The following ARHGEF10L variants were observed in gnomAD, a reference collection of about 807,000 sequenced individuals.
The protein encoded by ARHGEF10L is Rho guanine nucleotide exchange factor 10 like, also known as rho guanine nucleotide exchange factor 10-like protein.
In ARHGEF10L, 69 loss-of-function variants were observed where a neutral mutation model predicts 141.2. The observed-to-expected ratio is 0.49, with a 90% confidence interval of 0.40 to 0.60. The LOEUF (loss-of-function observed/expected upper bound fraction) is 0.60, where lower values mean the gene tolerates loss of function less well. Among genes scored for constraint, ARHGEF10L ranks in the 20% least tolerant of loss-of-function variants. The pLI is 0.00. For missense variants in ARHGEF10L, 1,482 were observed against 1,734.3 expected (o/e 0.85, Z 2.58); for synonymous variants, 711 against 718.5 (o/e 0.99, Z 0.17).
chr1:17,598,234 T>G (rs1233066551), intron 4 of ARHGEF10L, among the ~76,000 whole-genome samples: 2 of 152,054 alleles, frequency 1.3e-5, no homozygotes, highest in African/African-American at 4.8e-5. Context: ...CCTGAGTAGC[T>G]GGGATTACAG....
the ARHGEF10L span, among the ~76,000 whole-genome samples, chr1:17,534,481 G>T: frequency 1.3e-5 from 2 of 149,060 alleles, no homozygotes; most frequent in Non-Finnish European, 3.0e-5. Context: ...GGCTGGTCTC[G>T]AACTCCTGAC....
intron 2 of ARHGEF10L, among the ~76,000 whole-genome samples, chr1:17,586,055 C>A (rs934062311): frequency 2.0e-5 from 3 of 152,180 alleles, no homozygotes; most frequent in Non-Finnish European, 2.9e-5. Flanking sequence ...GCTGGAGGGT[C>A]CCCTGGGCCT....
At chr1:17,634,801 C>A (rs1267276939) in intron 17 of ARHGEF10L, 34 bp from the exon 18 acceptor site, 4 of 1,576,260 alleles carry the variant, frequency 2.5e-6, no homozygotes, top group South Asian at 1.1e-5. Flanking sequence ...GTGGCTGCAG[C>A]CTCTCCAGGG....
At chr1:17,671,240 G>A (rs546722148) in intron 26 of ARHGEF10L, among the ~76,000 whole-genome samples, 9 of 152,092 alleles carry the variant, frequency 5.9e-5, no homozygotes, top group Middle Eastern at 3.4e-3. Flanking sequence ...GGTGAGATTC[G>A]GGGGGTTAGG....
At chr1:17,532,817 A>G in the ARHGEF10L span, among the ~76,000 whole-genome samples, 8 of 148,478 alleles carry the variant, frequency 5.4e-5, no homozygotes, top group African/African-American at 2.0e-4. Flanking sequence ...CTCGTCTTGA[A>G]CTCCTGACCT....
the ARHGEF10L span, among the ~76,000 whole-genome samples, chr1:17,517,412 A>G: frequency 4.0e-5 from 6 of 151,830 alleles, no homozygotes; most frequent in East Asian, 9.7e-4. Flanking sequence ...GCTCACTGCA[A>G]CTTCCAGGTT....
At chr1:17,521,686 C>A in the ARHGEF10L span, among the ~76,000 whole-genome samples, 2 of 152,214 alleles carry the variant, frequency 1.3e-5, no homozygotes, top group African/African-American at 4.8e-5. Context: ...AAGTAACTTA[C>A]TGAAGATTTC....
At chr1:17,681,690 C>T (rs1302063738) in intron 26 of ARHGEF10L, among the ~76,000 whole-genome samples, 1 of 152,154 alleles carries the variant, frequency 6.6e-6, no homozygotes, top group Non-Finnish European at 1.5e-5. Flanking sequence ...AGCAGCTGGC[C>T]CCGTCCTGAT....
intron 2 of ARHGEF10L, among the ~76,000 whole-genome samples, chr1:17,583,578 G>A (rs1250199894): frequency 6.6e-6 from 1 of 152,056 alleles, no homozygotes; most frequent in Non-Finnish European, 1.5e-5. Context: ...AACTAGGAGG[G>A]GGTCAAATAA....
At chr1:17,564,221 T>C (rs2077657362) in intron 1 of ARHGEF10L, among the ~76,000 whole-genome samples, 1 of 152,032 alleles carries the variant, frequency 6.6e-6, no homozygotes, top group African/African-American at 2.4e-5. Context: ...ATGGCCTGGG[T>C]GAATCCCAGG....
At position 17,602,128 on chromosome 1, in the gene ARHGEF10L, G is replaced by T; in HGVS notation, c.259G>T (p.Val87Leu). ...TGCAGTGCCATCTCTTGCCCGCAGG[G>T]TGCCAGCCTGGGTGAGCAATGGGGA... ...DPAAAPPGTG[V>L]PAWVSNGDAA... is the part of the protein sequence containing the mutation. Residue 87 changes from valine (V) to leucine (L), a missense_variant and splice_region_variant, in exon 5 of 29, where the codon GTG (valine) becomes TTG (leucine). This residue lies in a region of ARHGEF10L where 232 missense variants were observed against 225.9 expected (regional missense o/e 1.03). Coordinates refer to ENST00000361221, the MANE Select transcript of ARHGEF10L (RefSeq NM_018125.4). 6.4e-7 allele frequency: 1 copy of T among 1,565,268 alleles called. No homozygotes were observed. The highest frequency in any genetic ancestry group is 1.2e-5 in the South Asian group (1 of 84,724).
chr1:17,595,041 T>TA (rs1433386866), intron 4 of ARHGEF10L, among the ~76,000 whole-genome samples: 1 of 151,798 alleles, frequency 6.6e-6, no homozygotes, highest in African/African-American at 2.4e-5. Context: ...TCTTCCTTTT[T>TA]AAAAAAAATA....
intron 8 of ARHGEF10L, among the ~76,000 whole-genome samples, 196 bp downstream of exon 8, chr1:17,613,370 C>G (rs1372972751): frequency 6.6e-6 from 1 of 152,220 alleles, no homozygotes; most frequent in Non-Finnish European, 1.5e-5. Flanking sequence ...CCACATGTTC[C>G]CTTCCATGTT....
chr1:17,554,943 T>C, intron 1 of ARHGEF10L, among the ~76,000 whole-genome samples: 1 of 152,176 alleles, frequency 6.6e-6, no homozygotes, highest in East Asian at 1.9e-4. Context: ...CTGTTTGCCT[T>C]CTCTTTCTCC....
chr1:17,564,812 G>A (rs138007016), intron 1 of ARHGEF10L, among the ~76,000 whole-genome samples: 4 of 152,294 alleles, frequency 2.6e-5, no homozygotes, highest in African/African-American at 9.6e-5. Flanking sequence ...ACACGTGTTC[G>A]GTGTCTGATG....
chr1:17,672,102 G>A lies in ARHGEF10L; in HGVS notation c.3009+7507G>A, dbSNP rs183746344. ...TACCTCTGCACTGGCCTCTCATACC[G>A]GCTCTCATGCTTTTTGTCCCTAAGC... On this transcript the variant is annotated intron_variant, in intron 26 of 28. Transcript: ENST00000361221. 1.7e-4 allele frequency among the ~76,000 whole-genome samples: 26 copies of A among 152,168 alleles called. No individual in the cohort carries two copies. In the East Asian group the frequency reaches 3.3e-3, roughly 19 times the overall value.
At chr1:17,646,347 G>A (rs1311069070) in intron 21 of ARHGEF10L, among the ~76,000 whole-genome samples, 1 of 152,204 alleles carries the variant, frequency 6.6e-6, no homozygotes, top group East Asian at 1.9e-4. Context: ...TGATGAAAGC[G>A]AGTCAGATTA....
chr1:17,620,504 A>G (rs2060049761), intron 10 of ARHGEF10L, among the ~76,000 whole-genome samples: 2 of 152,198 alleles, frequency 1.3e-5, no homozygotes, highest in Admixed American at 1.3e-4. Context: ...GTGCCACTTG[A>G]GTACCTGGGG....
intron 4 of ARHGEF10L, among the ~76,000 whole-genome samples, chr1:17,601,770 A>T (rs969972607): frequency 6.6e-6 from 1 of 152,156 alleles, no homozygotes; most frequent in African/African-American, 2.4e-5. Context: ...TTCAAGAGGC[A>T]GGGATCCCCC....
Sources: allele counts gnomAD v4.1 joint callset (sites outside exome capture counted in the v4.1 genomes callset), GRCh38; gene constraint gnomAD v4.1.1; regional missense constraint gnomAD v4.1.1; transcripts MANE v1.5; gene names NCBI Gene and HGNC (gene_info 2026-07-23, HGNC 2026-07-21).